Variants in LRP1B observed in about 807,000 individuals in gnomAD.
LRP1B encodes the protein low-density lipoprotein receptor-related protein 1B.
Under a neutral mutation model 556.6 loss-of-function variants are expected in LRP1B, and 217 were observed. The ratio of observed to expected loss-of-function variants is 0.39; its 90% CI spans 0.35 to 0.44. The LOEUF is 0.44. LRP1B is among the 20% of genes least tolerant of loss of function. The pLI is 1.00. For missense variants in LRP1B, 5,053 were observed against 5,620.8 expected (o/e 0.90, Z 3.23); for synonymous variants, 2,047 against 1,865.8 (o/e 1.10, Z -2.50).
At chr2:141,454,841 C>T (rs1203992081) in intron 3 of LRP1B, among the ~76,000 whole-genome samples, 1 of 152,154 alleles carries the variant, frequency 6.6e-6, no homozygotes, top group Non-Finnish European at 1.5e-5. Context: ...AGATCAATTT[C>T]ACTTGATAGG....
At chr2:141,694,350 G>A (rs1450766641) in intron 2 of LRP1B, among the ~76,000 whole-genome samples, 5 of 152,010 alleles carry the variant, frequency 3.3e-5, no homozygotes, top group South Asian at 2.1e-4. Flanking sequence ...GAGAGTCCTC[G>A]GCACATAGGT....
intron 41 of LRP1B, among the ~76,000 whole-genome samples, chr2:140,622,560 T>C (rs1335400826): frequency 6.6e-6 from 1 of 152,180 alleles, no homozygotes; most frequent in Non-Finnish European, 1.5e-5. Flanking sequence ...TCTCACAAGC[T>C]ATAAAACATC....
chr2:140,256,527 G>A (rs371469907), intron 86 of LRP1B, among the ~76,000 whole-genome samples: 1 of 117,820 alleles, frequency 8.5e-6, no homozygotes. Flanking sequence ...GGAGTGCAGT[G>A]GCGCGATCTC....
chr2:141,884,432 A>C (rs910286879), intron 1 of LRP1B, among the ~76,000 whole-genome samples: 6 of 152,140 alleles, frequency 3.9e-5, no homozygotes, highest in Admixed American at 6.5e-5. Context: ...GATCTAAGAA[A>C]TGTTAAAGAT....
intron 66 of LRP1B, among the ~76,000 whole-genome samples, chr2:140,399,540 A>G (rs1263089413): frequency 6.6e-6 from 1 of 152,196 alleles, no homozygotes; most frequent in Non-Finnish European, 1.5e-5. Context: ...CTTAGAAAAA[A>G]AAATATTGCT....
At chr2:141,371,803 C>T (rs967252111) in intron 3 of LRP1B, among the ~76,000 whole-genome samples, 1 of 152,014 alleles carries the variant, frequency 6.6e-6, no homozygotes, top group Non-Finnish European at 1.5e-5. Flanking sequence ...TAAGATCACA[C>T]CATAAGTGAA....
chr2:141,562,339 C>T (rs374173806), intron 2 of LRP1B, among the ~76,000 whole-genome samples: 8 of 151,916 alleles, frequency 5.3e-5, no homozygotes, highest in Admixed American at 1.3e-4. Context: ...CCAGAGATTT[C>T]TTTTCCATAT....
chr2:140,320,800 T>TGGG (rs1242691727), intron 82 of LRP1B, among the ~76,000 whole-genome samples: 1 of 152,066 alleles, frequency 6.6e-6, no homozygotes, highest in African/African-American at 2.4e-5. Context: ...CCCAGCACTC[T>TGGG]GGGGGGCTTA....
intron 1 of LRP1B, among the ~76,000 whole-genome samples, chr2:142,113,561 C>T (rs918988784): frequency 6.6e-6 from 1 of 151,096 alleles, no homozygotes; most frequent in Non-Finnish European, 1.5e-5. Flanking sequence ...CATCAGCCAC[C>T]AGAAATTTTA....
rs1206689008 is a variant in LRP1B, at chr2:141,480,458, G to A, written c.281C>T (p.Ser94Phe). 6.2e-7 allele frequency: 1 copy of A among 1,613,796 alleles called. No homozygotes were observed. Among genetic ancestry groups the A allele is most frequent in the East Asian group, 2.2e-5 (1 of 44,848 alleles). ...CLGTNKCVHL[S>F]QLCNGVLDCP... Reference sequence around the variant, plus strand: ...GTCCAAGACACCATTGCACAGCTGGGATAAATGAACACATTTGTTGGTACC... The same window carrying A: ...GTCCAAGACACCATTGCACAGCTGGAATAAATGAACACATTTGTTGGTACC... Residue 94 changes from serine to phenylalanine, a missense_variant, in exon 3 of 91, where the codon TCC (serine) becomes TTC (phenylalanine). Physicochemically the swap from Ser to Phe is radical, Grantham distance 155. This residue lies in a region of LRP1B where 3,619 missense variants were observed against 3,931.9 expected (regional missense o/e 0.92). Transcript: ENST00000389484.
intron 55 of LRP1B, among the ~76,000 whole-genome samples, chr2:140,499,038 T>C (rs1418881731): frequency 6.6e-6 from 1 of 151,946 alleles, no homozygotes; most frequent in East Asian, 1.9e-4. Flanking sequence ...TACTTTTGTC[T>C]ATTTTAACTA....
intron 43 of LRP1B, among the ~76,000 whole-genome samples, chr2:140,588,863 G>A (rs1682099821): frequency 6.6e-6 from 1 of 151,886 alleles, no homozygotes; most frequent in African/African-American, 2.4e-5. Flanking sequence ...GGGAGGCTGA[G>A]GCAGGAGAAT....
intron 66 of LRP1B, among the ~76,000 whole-genome samples, chr2:140,395,960 A>G (rs1041462712): frequency 4.6e-5 from 7 of 151,818 alleles, no homozygotes; most frequent in Non-Finnish European, 7.4e-5. Context: ...AAGTAGTTAC[A>G]CTCTCATCTT....
intron 1 of LRP1B, among the ~76,000 whole-genome samples, chr2:141,931,874 G>A (rs1700517787): frequency 6.6e-6 from 1 of 152,008 alleles, no homozygotes; most frequent in African/African-American, 2.4e-5. Context: ...CAGTGATGGA[G>A]TAAACAAAAC....
rs563087053 is a variant in LRP1B at position 140,364,004 on chromosome 2, G to A, written c.11131+657C>T. Among the ~76,000 whole-genome samples the A allele has an allele frequency of 1.6e-4, 25 of 151,698 alleles. No individual in the cohort carries two copies. The South Asian group carries it at 5.2e-3, about 31-fold the overall frequency. ...ATGTTCATTAAAATAGATCCTTTAT[G>A]TTGCTGATCTAAAATTAGACTTTTA... is the stretch of plus-strand genomic sequence containing the variant. On this transcript the variant is annotated intron_variant, in intron 72 of 90. Coordinates refer to ENST00000389484, the MANE Select transcript of LRP1B (RefSeq NM_018557.3).
intron 35 of LRP1B, among the ~76,000 whole-genome samples, chr2:140,760,680 T>C (rs531348127): frequency 1.6e-3 from 250 of 151,708 alleles, no homozygotes; most frequent in Non-Finnish European, 3.1e-3. Context: ...AGGTCAGGAG[T>C]TCAAGACCAG....
At chr2:140,265,690 C>G (rs1682169891) in intron 86 of LRP1B, among the ~76,000 whole-genome samples, 1 of 152,036 alleles carries the variant, frequency 6.6e-6, no homozygotes, top group South Asian at 2.1e-4. Flanking sequence ...ATGTCTGTTT[C>G]CTGTAAATGT....
At chr2:140,345,811 T>TATATATAC (rs1051843796) in intron 77 of LRP1B, among the ~76,000 whole-genome samples, 2 of 131,738 alleles carry the variant, frequency 1.5e-5, no homozygotes. Flanking sequence ...TATATACACA[T>TATATATAC]ATATATACAT....
At chr2:140,472,667 A>G (rs1687819042) in intron 60 of LRP1B, among the ~76,000 whole-genome samples, 1 of 152,052 alleles carries the variant, frequency 6.6e-6, no homozygotes, top group South Asian at 2.1e-4. Flanking sequence ...GAAACCTCAG[A>G]TATTCTTGGT....
Sources: gnomAD v4.1 joint callset for allele counts (sites outside exome capture counted in the v4.1 genomes callset) on GRCh38, gnomAD v4.1.1 for gene constraint, gnomAD v4.1.1 regional missense constraint, MANE v1.5 for transcripts, NCBI Gene and HGNC (gene_info 2026-07-23, HGNC 2026-07-21) for gene names.